The following NAV2 variants were observed in gnomAD, a reference collection of about 807,000 sequenced individuals.
NAV2 encodes helicase, APC down-regulated 1.
Under a neutral mutation model 223.2 loss-of-function variants are expected in NAV2, and 54 were observed. The observed-to-expected ratio is 0.24, with a 90% confidence interval of 0.19 to 0.30. NAV2 has a LOEUF of 0.30. Ranked by LOEUF, NAV2 falls within the 10% of genes least tolerant of loss-of-function variation. The pLI is 1.00. For synonymous variants in NAV2, 1,279 were observed against 1,239.3 expected, an observed-to-expected ratio of 1.03 and a Z score of -0.67; for missense variants, 2,806 against 3,147.5, an observed-to-expected ratio of 0.89 and a Z score of 2.60.
rs550834067 is a variant in NAV2 at position 19,791,754 on chromosome 11, A to G, written c.268-40730A>G. Among the ~76,000 whole-genome samples the G allele has an allele frequency of 1.0e-3, 153 of 152,332 alleles. 1 individual carries two copies. The highest frequency in any genetic ancestry group is 5.2e-3 in the Admixed American group (79 of 15,302). Reference sequence around the variant, plus strand: ...CAGAAGAAAGCCTGGCAGGAGAGGAAGGCAGCAAGGTGTGGGGAAAGCATA... The same window carrying G: ...CAGAAGAAAGCCTGGCAGGAGAGGAGGGCAGCAAGGTGTGGGGAAAGCATA... On this transcript the variant is annotated intron_variant, in intron 1 of 37. Coordinates refer to ENST00000349880, the MANE Select transcript of NAV2 (RefSeq NM_145117.5).
intron 1 of NAV2, among the ~76,000 whole-genome samples, chr11:19,529,623 A>G (rs78282903): frequency 0.023 from 3,527 of 152,276 alleles, 136 homozygotes; most frequent in African/African-American, 0.081. Flanking sequence ...TCCCAGGGGT[A>G]CGGGAACTTT....
At chr11:19,476,368 G>A (rs111595337) in intron 1 of NAV2, among the ~76,000 whole-genome samples, 1 of 151,966 alleles carries the variant, frequency 6.6e-6, no homozygotes, top group Non-Finnish European at 1.5e-5. Context: ...ACCATCAAGA[G>A]ACTTTTTTTT....
chr11:19,713,620 A>T lies in NAV2; in HGVS notation c.-76A>T. On this transcript the variant is annotated 5_prime_UTR_variant, in exon 1 of 38. Transcript: ENST00000349880. This position sits in a 1 kb window ranked among gnomAD's most constrained non-coding sequence, Gnocchi z 7.2. Reference sequence around the variant, plus strand: ...GCTAAGGCCCGGCGCCTGCTCTGCTACCCGCGCTGCCTTTAGCGGTCGCCC... The same window carrying T: ...GCTAAGGCCCGGCGCCTGCTCTGCTTCCCGCGCTGCCTTTAGCGGTCGCCC... 3 of 1,469,364 alleles carry T rather than the reference A, an allele frequency of 2.0e-6. No homozygotes were observed. Among genetic ancestry groups the T allele is most frequent in the Non-Finnish European group, 2.7e-6 (3 of 1,110,056 alleles). The allele number at this position is 1,469,364 out of a possible 1,614,324, so 91.0% of individuals were successfully genotyped here. A position where few individuals can be genotyped will look rare whatever the true frequency, so the allele number is the denominator to read the frequency against.
chr11:19,664,073 C>A (rs1184560904), intron 1 of NAV2, among the ~76,000 whole-genome samples: 1 of 152,220 alleles, frequency 6.6e-6, no homozygotes, highest in East Asian at 1.9e-4. Flanking sequence ...AGCCTTTCTT[C>A]CCTCTCAAAG....
intron 1 of NAV2, among the ~76,000 whole-genome samples, chr11:19,413,604 A>C (rs2133415793): frequency 6.6e-6 from 1 of 152,294 alleles, no homozygotes; most frequent in African/African-American, 2.4e-5. Flanking sequence ...GAGAAGAGCA[A>C]CCCCAAAACA....
At chr11:19,632,711 T>C (rs1375334152) in intron 1 of NAV2, among the ~76,000 whole-genome samples, 2 of 152,202 alleles carry the variant, frequency 1.3e-5, no homozygotes, top group Admixed American at 6.5e-5. Context: ...TTCTCCTACT[T>C]AGAAAACTAC....
In NAV2 at chr11:20,044,051, A is replaced by G; in HGVS notation, c.2978A>G (p.Asp993Gly). 1.9e-6 allele frequency: 3 copies of G among 1,614,212 alleles called. No homozygotes were observed. The highest frequency in any genetic ancestry group is 2.7e-5 in the African/African-American group (2 of 75,060). The part of the protein sequence containing the change: ...LWSGDDVKKS[D>G]GGSDSGIKME... Reference sequence around the variant, plus strand: ...TCTGGTGATGATGTCAAGAAATCAGACGGAGGCTCAGACAGCGGCATAAAA... The same window carrying G: ...TCTGGTGATGATGTCAAGAAATCAGGCGGAGGCTCAGACAGCGGCATAAAA... Residue 993 changes from aspartate to glycine, a missense_variant, in exon 13 of 38, where the codon GAC becomes GGC. Asp to Gly is a moderately conservative substitution (Grantham distance 94). Transcript: ENST00000349880.
chr11:19,529,326 C>T (rs1007964711), intron 1 of NAV2, among the ~76,000 whole-genome samples: 8 of 152,302 alleles, frequency 5.3e-5, no homozygotes, highest in South Asian at 2.1e-4. Flanking sequence ...TTAACACATA[C>T]GCATGGTTGT....
intron 37 of NAV2, among the ~76,000 whole-genome samples, chr11:20,117,631 G>A (rs2063227510): frequency 6.6e-6 from 1 of 152,160 alleles, no homozygotes; most frequent in African/African-American, 2.4e-5. Flanking sequence ...GCAAGGAGAA[G>A]AGATGGGTTT....
intron 1 of NAV2, among the ~76,000 whole-genome samples, chr11:19,361,151 T>G (rs1234060633): frequency 1.4e-5 from 2 of 144,614 alleles, no homozygotes; most frequent in African/African-American, 4.9e-5. Flanking sequence ...TTGTATTAGG[T>G]TAGATAAAAT....
chr11:19,349,655 G>T (rs1449367817), upstream of NAV2, among the ~76,000 whole-genome samples: 5 of 152,168 alleles, frequency 3.3e-5, no homozygotes. Context: ...CCTTCCTGAT[G>T]GTGCTGGTGT....
At chr11:19,623,341 A>T (rs1023364147) in intron 1 of NAV2, among the ~76,000 whole-genome samples, 1 of 152,156 alleles carries the variant, frequency 6.6e-6, no homozygotes, top group African/African-American at 2.4e-5. Flanking sequence ...GTTCTGCTGG[A>T]TAATATCCTG....
chr11:19,611,962 C>T (rs2046658405), intron 1 of NAV2, among the ~76,000 whole-genome samples: 1 of 152,244 alleles, frequency 6.6e-6, no homozygotes, highest in South Asian at 2.1e-4. Context: ...ACTGCCCCTG[C>T]AGCAAACTTT....
intron 1 of NAV2, among the ~76,000 whole-genome samples, chr11:19,516,857 A>G (rs993545089): frequency 6.6e-6 from 1 of 152,142 alleles, no homozygotes; most frequent in African/African-American, 2.4e-5. Context: ...GTTTTATGAA[A>G]TTTCAGTGAA....
At chr11:19,468,026 A>G (rs1041724425) in intron 1 of NAV2, among the ~76,000 whole-genome samples, 7 of 152,128 alleles carry the variant, frequency 4.6e-5, no homozygotes, top group Non-Finnish European at 1.0e-4. Context: ...GGGCAGAAGG[A>G]GCTGATGAGG....
intron 6 of NAV2, among the ~76,000 whole-genome samples, chr11:19,920,468 T>C (rs1343325497): frequency 6.6e-6 from 1 of 152,052 alleles, no homozygotes. Context: ...TTTGTATTTT[T>C]AGTCAGGACG....
intron 10 of NAV2, among the ~76,000 whole-genome samples, chr11:19,973,906 C>T (rs1001870786): frequency 2.0e-5 from 3 of 152,280 alleles, no homozygotes; most frequent in Middle Eastern, 3.4e-3. Flanking sequence ...TTCCAACAGT[C>T]GGACTGTCCT....
chr11:19,751,292 C>T (rs1427035172), intron 1 of NAV2, among the ~76,000 whole-genome samples: 1 of 152,182 alleles, frequency 6.6e-6, no homozygotes, highest in African/African-American at 2.4e-5. Context: ...AACCAATACT[C>T]ATACTGCTAG....
intron 1 of NAV2, among the ~76,000 whole-genome samples, chr11:19,514,426 T>C (rs2043376694): frequency 6.6e-6 from 1 of 152,100 alleles, no homozygotes; most frequent in African/African-American, 2.4e-5. Flanking sequence ...ACATTTTAGG[T>C]GAAAATATTT....
Sources: gnomAD v4.1 joint callset for allele counts (sites outside exome capture counted in the v4.1 genomes callset) on GRCh38, gnomAD v4.1.1 for gene constraint, Gnocchi (gnomAD v3.1) non-coding constraint, MANE v1.5 for transcripts, NCBI Gene and HGNC (gene_info 2026-07-23, HGNC 2026-07-21) for gene names.